PIGG: variants seen among roughly 807,000 people sequenced by gnomAD.
The protein encoded by PIGG is phosphatidylinositol glycan anchor biosynthesis class G (EMM blood group).
PIGG carries 70 observed loss-of-function variants against 83.2 expected under a neutral mutation model. That is an observed-to-expected ratio of 0.84 (90% confidence interval 0.69 to 1.03). PIGG has a LOEUF of 1.03. Among genes scored for constraint, PIGG ranks in the 50% least tolerant of loss-of-function variants. The pLI is 0.00. For synonymous variants in PIGG, 532 were observed against 519.5 expected, an observed-to-expected ratio of 1.02 and a Z score of -0.33; for missense variants, 1,257 against 1,233.6, an observed-to-expected ratio of 1.02 and a Z score of -0.28.
At chr4:525,384 G>A in intron 9 of PIGG, 1 of 984,902 alleles carries the variant, frequency 1.0e-6, no homozygotes, top group Non-Finnish European at 1.2e-6. Flanking sequence ...AGCACAATGA[G>A]AGCATCTGCG....
intron 5 of PIGG, among the ~76,000 whole-genome samples, chr4:513,870 A>G (rs1723018062): frequency 6.6e-6 from 1 of 152,210 alleles, no homozygotes; most frequent in South Asian, 2.1e-4. Context: ...GTGCAAAATC[A>G]AGAGGCCAGA....
chr4:534,404 C>T (rs915025769), intron 12 of PIGG, among the ~76,000 whole-genome samples: 3 of 150,396 alleles, frequency 2.0e-5, no homozygotes, highest in African/African-American at 7.6e-5. Flanking sequence ...AGAGACCCTG[C>T]TGGAGCGCGC....
At chr4:523,215 G>A (rs7678718) in intron 8 of PIGG, among the ~76,000 whole-genome samples, 24 of 152,288 alleles carry the variant, frequency 1.6e-4, no homozygotes, top group African/African-American at 5.5e-4. Context: ...CTGGCTGGCC[G>A]TGCAGTGTCC....
intron 3 of PIGG, chr4:506,832 C>T (rs533811386): frequency 8.8e-6 from 4 of 456,052 alleles, no homozygotes; most frequent in Admixed American, 4.7e-5. Flanking sequence ...TAGATGCCCT[C>T]AGCTTCATCA....
At chr4:522,075 CAG>C (rs1202645869) in intron 8 of PIGG, 134 bp downstream of exon 8, 2 of 894,474 alleles carry the variant, frequency 2.2e-6, no homozygotes, top group Non-Finnish European at 3.6e-6. Flanking sequence ...GTGCCCTGGA[CAG>C]GGGGCCTCAG....
intron 11 of PIGG, chr4:533,615 G>A: frequency 3.4e-6 from 2 of 593,688 alleles, no homozygotes; most frequent in Non-Finnish European, 6.0e-6. Flanking sequence ...GCAGGCAGGG[G>A]GAGGGGGTGC....
intron 2 of PIGG, chr4:502,043 G>A (rs1172047950): frequency 6.6e-6 from 1 of 152,192 alleles, no homozygotes; most frequent in East Asian, 1.9e-4. Flanking sequence ...TCCAGCCCCT[G>A]ATTTTCAGGA....
chr4:512,009 T>C (rs1205041340), intron 5 of PIGG, among the ~76,000 whole-genome samples: 1 of 152,206 alleles, frequency 6.6e-6, no homozygotes, highest in African/African-American at 2.4e-5. Context: ...TTTGCTATAA[T>C]GTATCTGTAT....
intron 11 of PIGG, chr4:532,929 A>AGGAGTGGAAGGGTGGGGTCTT (rs1560374298): frequency 3.5e-5 from 5 of 143,550 alleles, no homozygotes; most frequent in African/African-American, 1.4e-4. Context: ...GGTGGGGCCT[A>AGGAGTGGAAGGGTGGGGTCTT]GGAGTGGAAG....
At position 500,534 on chromosome 4, in the gene PIGG, A is replaced by G; in HGVS notation, c.293A>G (p.Glu98Gly). The G allele has an allele frequency of 6.2e-7, 1 of 1,612,194 alleles. No homozygotes were observed. The highest frequency in any genetic ancestry group is 1.1e-5 in the South Asian group (1 of 91,038). ...ATGCCCTACACAACTTACCTTGTGGAAAAAGGAGCATCTCACAGTTTTGTG... is the reference window on the plus strand; with the variant it reads ...ATGCCCTACACAACTTACCTTGTGGGAAAAGGAGCATCTCACAGTTTTGTG... ...KFMPYTTYLV[E>G]KGASHSFVAE... Residue 98 changes from glutamate (E) to glycine (G), a missense_variant, in exon 2 of 13, where the codon GAA becomes GGA. Transcript: ENST00000453061.
rs1354527981 is a variant in PIGG, at chr4:523,826, T to G, written c.1982T>G (p.Ile661Arg). 1.2e-6 allele frequency: 2 copies of G among 1,611,772 alleles called. No individual in the cohort carries two copies. The highest frequency in any genetic ancestry group is 1.7e-6 in the Non-Finnish European group (2 of 1,179,166). Residue 661 changes from isoleucine (I) to arginine (R), a missense_variant, in exon 9 of 13, where the codon ATA (isoleucine) becomes AGA (arginine). Ile to Arg is a moderately conservative substitution (Grantham distance 97, BLOSUM62 -3). Coordinates refer to ENST00000453061, the MANE Select transcript of PIGG (RefSeq NM_001127178.3). ...ATGGTGCTGGCCAGTCCGTGGCTAA[T>G]ACTGGCCTGCTGCCGGCTGCTGCGC... is the stretch of plus-strand genomic sequence containing the variant. ...KWMVLASPWL[I>R]LACCRLLRSL...
intron 3 of PIGG, chr4:506,942 C>T: frequency 5.5e-6 from 2 of 363,638 alleles, no homozygotes; most frequent in Admixed American, 5.5e-5. Context: ...TTAACTTGCC[C>T]ATTTGCTCAC....
chr4:521,381 T>C lies in PIGG; in HGVS notation c.1332+108T>C, dbSNP rs868800877. ...ATAGGTGTTATTAAAAATGGGAAAA[T>C]ATTAATTTTCTTGTTTAACTCTTTC... is the stretch of plus-strand genomic sequence containing the variant. On this transcript the variant is annotated intron_variant, in intron 7 of 12. Transcript: ENST00000453061. The C allele has an allele frequency of 1.0e-5, 8 of 779,322 alleles. No individual in the cohort carries two copies. The Middle Eastern group carries it at 1.5e-3, about 148-fold the overall frequency. 48.3% of individuals were successfully genotyped at this position (779,322 alleles called of 1,614,324 possible).
intron 12 of PIGG, among the ~76,000 whole-genome samples, chr4:535,543 G>T (rs1730342333): frequency 7.3e-6 from 1 of 136,722 alleles, no homozygotes; most frequent in Admixed American, 7.2e-5. Context: ...GTCCTGTGGT[G>T]ACCGGAGGCC....
intron 6 of PIGG, among the ~76,000 whole-genome samples, chr4:519,240 C>G (rs1724976551): frequency 6.6e-6 from 1 of 152,212 alleles, no homozygotes. Context: ...GTGAGCCCTA[C>G]TGGATCCAAG....
At chr4:526,748 A>G (rs1487346429) in intron 9 of PIGG, among the ~76,000 whole-genome samples, 2 of 149,226 alleles carry the variant, frequency 1.3e-5, no homozygotes, top group African/African-American at 5.0e-5. Flanking sequence ...AGTTCTCACC[A>G]TGTGGCCCAG....
chr4:535,215 G>A (rs1473991071), intron 12 of PIGG, among the ~76,000 whole-genome samples: 2 of 152,130 alleles, frequency 1.3e-5, no homozygotes, highest in African/African-American at 2.4e-5. Context: ...AAAGTTATTC[G>A]ACTCACATGT....
At position 507,554 on chromosome 4, in the gene PIGG, C is replaced by T. The variant is rs1553880337; in HGVS notation, c.720C>T (p.Asp240=). ...TTGGGCAGAAGCTGAGCGAGATGGACAGCGTGCTGATGAAGATCCACACCT... is the reference window on the plus strand; with the variant it reads ...TTGGGCAGAAGCTGAGCGAGATGGATAGCGTGCTGATGAAGATCCACACCT... ...PLIGQKLSEM[D]SVLMKIHTSL... is the part of the protein sequence containing the mutation. Residue 240 remains aspartate, a synonymous_variant, in exon 4 of 13, where the codon GAC becomes GAT. Transcript: ENST00000453061. 7.4e-6 allele frequency: 12 copies of T among 1,613,800 alleles called. No homozygotes were observed. The highest frequency in any genetic ancestry group is 1.0e-5 in the Non-Finnish European group (12 of 1,179,920).
rs114936284 is a variant in PIGG at position 528,229 on chromosome 4, T to G, written c.2261+999T>G. On this transcript the variant is annotated intron_variant, in intron 10 of 12. Transcript: ENST00000453061. This position sits in a 1 kb window ranked among gnomAD's most constrained non-coding sequence, Gnocchi z 4.8. Reference sequence around the variant, plus strand: ...CCCCAGCTTACTAATTGTGTACCTGTTTTTTTTTTCATACTTATATGAAAG... The same window carrying G: ...CCCCAGCTTACTAATTGTGTACCTGGTTTTTTTTTCATACTTATATGAAAG... 5,303 of 953,304 alleles carry G rather than the reference T, an allele frequency of 5.6e-3. 198 individuals carry two copies. In the African/African-American group the frequency reaches 0.087, roughly 16 times the overall value. The allele number at this position is 953,304 out of a possible 1,614,324, so 59.1% of individuals were successfully genotyped here.
Sources: gnomAD v4.1 joint callset for allele counts (sites outside exome capture counted in the v4.1 genomes callset) on GRCh38, gnomAD v4.1.1 for gene constraint, Gnocchi (gnomAD v3.1) non-coding constraint, MANE v1.5 for transcripts, NCBI Gene and HGNC (gene_info 2026-07-23, HGNC 2026-07-21) for gene names.